The following CENPO variants were observed in gnomAD, a reference collection of about 807,000 sequenced individuals.
The protein encoded by CENPO is centromere protein O.
In CENPO, 30 loss-of-function variants were observed where a neutral mutation model predicts 36.1. That is an observed-to-expected ratio of 0.83 (90% CI 0.62 to 1.13). CENPO has a LOEUF of 1.13. Ranked by LOEUF, CENPO falls within the 50% of genes most tolerant of loss-of-function variation. The probability of loss-of-function intolerance (pLI) is 0.00; values close to 1 mark genes in which losing one functional copy is unlikely to be tolerated. For missense variants in CENPO, 349 were observed against 357.8 expected (o/e 0.98, Z 0.20); for synonymous variants, 171 against 142.3 (o/e 1.20, Z -1.44).
rs1448006433 is a variant in CENPO, at chr2:24,819,809, T to G, written c.*491T>G. 1 of 1,030,024 alleles carries G rather than the reference T, an allele frequency of 9.7e-7. No individual in the cohort carries two copies. The highest frequency in any genetic ancestry group is 1.4e-6 in the Non-Finnish European group (1 of 711,716). 63.8% of individuals were successfully genotyped at this position (1,030,024 alleles called of 1,614,324 possible). A position where few individuals can be genotyped will look rare whatever the true frequency, so the allele number is the denominator to read the frequency against. On this transcript the variant is annotated 3_prime_UTR_variant, in exon 8 of 8. Coordinates refer to ENST00000380834, the MANE Select transcript of CENPO (RefSeq NM_001322101.2). ...CACACATCCACGAACAAATGAAGGC[T>G]GAGGAGGTTTCTAAACCTAAAGTCC...
intron 3 of CENPO, among the ~76,000 whole-genome samples, chr2:24,804,115 G>A (rs922546915): frequency 6.6e-6 from 1 of 151,998 alleles, no homozygotes; most frequent in African/African-American, 2.4e-5. Flanking sequence ...ATCTTTGTTG[G>A]TTGAAAGTCT....
At position 24,819,577 on chromosome 2, in the gene CENPO, C is replaced by A; in HGVS notation, c.*259C>A. On this transcript the variant is annotated 3_prime_UTR_variant, in exon 8 of 8. Transcript: ENST00000380834. ...AGTGGAGCTTCCCCGCCTGTGCTCC[C>A]TCCACAGTCCCGGAAAGCCCAGCGG... 1 of 181,258 alleles carries A rather than the reference C, an allele frequency of 5.5e-6. No homozygotes were observed. The highest frequency in any genetic ancestry group is 1.2e-5 in the Non-Finnish European group (1 of 86,058). 11.2% of individuals were successfully genotyped at this position (181,258 alleles called of 1,614,324 possible).
intron 2 of CENPO, among the ~76,000 whole-genome samples, chr2:24,798,958 A>G (rs1391483835): frequency 1.3e-5 from 2 of 150,956 alleles, no homozygotes; most frequent in African/African-American, 2.4e-5. Context: ...GCTCGATTAA[A>G]TAAAGTCTGG....
At chr2:24,801,365 C>G (rs1045815527) in intron 3 of CENPO, among the ~76,000 whole-genome samples, 33 of 152,254 alleles carry the variant, frequency 2.2e-4, no homozygotes, top group Middle Eastern at 3.4e-3. Flanking sequence ...GCTTTTGTTG[C>G]CATTGCTTTT....
At chr2:24,805,876 CAG>C (rs1173782908) in intron 3 of CENPO, among the ~76,000 whole-genome samples, 1 of 152,224 alleles carries the variant, frequency 6.6e-6, no homozygotes, top group Admixed American at 6.5e-5. Flanking sequence ...TTTAAGTCTG[CAG>C]AGTTTTCTGC....
In CENPO at chr2:24,793,960, A is replaced by C. The variant is rs139881258; in HGVS notation, c.41A>C (p.Lys14Thr). The C allele has an allele frequency of 2.5e-6, 4 of 1,612,842 alleles. No individual in the cohort carries two copies. The highest frequency in any genetic ancestry group is 3.4e-6 in the Non-Finnish European group (4 of 1,179,280). The change falls in exon 2 of 8, where the codon AAA becomes ACA. Residue 14 changes from lysine to threonine, a missense_variant. By Grantham distance (78) the Lys-to-Thr change is moderately conservative. Coordinates refer to ENST00000380834, the MANE Select transcript of CENPO (RefSeq NM_001322101.2). Reference protein sequence around the residue: ...ANPLRPDGESKGGVLAHLERL... With the variant: ...ANPLRPDGESTGGVLAHLERL... Reference sequence around the variant, plus strand: ...CCTTTACGTCCAGATGGCGAGTCCAAAGGAGGTATTCAGAGGGTCGCCGCC... The same window carrying C: ...CCTTTACGTCCAGATGGCGAGTCCACAGGAGGTATTCAGAGGGTCGCCGCC...
chr2:24,816,967 C>T (rs1666963700), intron 6 of CENPO, 150 bp downstream of exon 6: 5 of 633,954 alleles, frequency 7.9e-6, no homozygotes, highest in East Asian at 3.2e-5. Context: ...ATAGAACATT[C>T]TTGTTTCTAC....
At chr2:24,794,637 ATTACTT>A (rs1665801754) in intron 2 of CENPO, among the ~76,000 whole-genome samples, 3 of 152,218 alleles carry the variant, frequency 2.0e-5, no homozygotes, top group Admixed American at 6.5e-5. Context: ...TTACGAAACT[ATTACTT>A]TTACTTAGTC....
chr2:24,817,063 T>C (rs189571168), intron 6 of CENPO, among the ~76,000 whole-genome samples: 1 of 152,336 alleles, frequency 6.6e-6, no homozygotes, highest in African/African-American at 2.4e-5. Flanking sequence ...AGCAGTGTTC[T>C]CGCAGCCTAT....
Position 24,821,647 on chromosome 2 carries a change from C to G in CENPO, c.*2329C>G. On this transcript the variant is annotated 3_prime_UTR_variant, in exon 8 of 8. Transcript: ENST00000380834. ...CTCTCTCGGACTTGTCTTCCTGTGC[C>G]AGGGGACCGTGGAGAAAGTGTCAGG... 3 of 1,613,692 alleles carry G rather than the reference C, an allele frequency of 1.9e-6. No individual in the cohort carries two copies. Among genetic ancestry groups the G allele is most frequent in the Non-Finnish European group, 2.5e-6 (3 of 1,179,826 alleles).
In CENPO at chr2:24,815,606, C is replaced by G; in HGVS notation, c.444C>G (p.Leu148=). Residue 148 remains leucine, a synonymous_variant, in exon 5 of 8, where the codon CTC becomes CTG. Transcript: ENST00000380834. ...YFVDLVIQKP[L]RIHHHSVPVF... ...TGGACCTTGTCATACAGAAACCACT[C>G]CGGATACATCACCATTCAGTCCCAG... 6.2e-7 allele frequency: 1 copy of G among 1,614,106 alleles called. No homozygotes were observed. Among genetic ancestry groups the G allele is most frequent in the Non-Finnish European group, 8.5e-7 (1 of 1,179,964 alleles).
At position 24,820,680 on chromosome 2, in the gene CENPO, T is replaced by C; in HGVS notation, c.*1362T>C. ...GGAAAGCACTGTTCCGGTTTTGTTC[T>C]CATGCCGAGTCTGAGCACGTGCCAG... On this transcript the variant is annotated 3_prime_UTR_variant, in exon 8 of 8. Transcript: ENST00000380834. The C allele has an allele frequency of 6.2e-7, 1 of 1,611,480 alleles. No homozygotes were observed. Among genetic ancestry groups the C allele is most frequent in the African/African-American group, 1.3e-5 (1 of 74,992 alleles).
At chr2:24,799,433 C>A (rs571338583) in intron 2 of CENPO, among the ~76,000 whole-genome samples, 3 of 152,170 alleles carry the variant, frequency 2.0e-5, no homozygotes, top group Non-Finnish European at 4.4e-5. Context: ...CATATCCTCT[C>A]TCGGGCTGTC....
intron 2 of CENPO, among the ~76,000 whole-genome samples, chr2:24,796,060 A>G (rs1290624864): frequency 6.6e-6 from 1 of 152,148 alleles, no homozygotes; most frequent in African/African-American, 2.4e-5. Flanking sequence ...TTCGGTAAAC[A>G]TTTCCGGAGT....
intron 2 of CENPO, among the ~76,000 whole-genome samples, chr2:24,798,888 GT>G (rs1463914826): frequency 6.6e-6 from 1 of 151,446 alleles, no homozygotes; most frequent in Non-Finnish European, 1.5e-5. Context: ...GAAGATTAAG[GT>G]TTTCATATAT....
intron 3 of CENPO, among the ~76,000 whole-genome samples, chr2:24,801,470 T>A (rs1250845039): frequency 6.6e-6 from 1 of 152,220 alleles, no homozygotes; most frequent in African/African-American, 2.4e-5. Flanking sequence ...GGTCTAACTT[T>A]TAAGTCTTTA....
rs767723968 is a variant in CENPO at position 24,814,413 on chromosome 2, C to T, written c.254C>T (p.Thr85Ile). Residue 85 changes from threonine to isoleucine, a missense_variant, in exon 4 of 8, where the codon ACA (threonine) becomes ATA (isoleucine). Transcript: ENST00000380834. ...ATTGCCAATGTAGAACCCAACCAAACAGTGGAGATCAATGAGCAAGAAGCA... is the reference window on the plus strand; with the variant it reads ...ATTGCCAATGTAGAACCCAACCAAATAGTGGAGATCAATGAGCAAGAAGCA... The part of the protein sequence containing the change: ...ACIANVEPNQ[T>I]VEINEQEALE... 8 of 1,603,744 alleles carry T rather than the reference C, an allele frequency of 5.0e-6. No homozygotes were observed. Among genetic ancestry groups the T allele is most frequent in the Non-Finnish European group, 6.0e-6 (7 of 1,170,560 alleles).
Position 24,815,670 on chromosome 2 carries a change from C to T in CENPO, c.508C>T (p.Gln170Ter). The T allele has an allele frequency of 6.2e-7, 1 of 1,613,968 alleles. No individual in the cohort carries two copies. Among genetic ancestry groups the T allele is most frequent in the Non-Finnish European group, 8.5e-7 (1 of 1,179,828 alleles). The change falls in exon 5 of 8, where the codon CAG becomes TAG. Residue 170 changes from glutamine to a stop codon, truncating the protein, a stop_gained. Coordinates refer to ENST00000380834, the MANE Select transcript of CENPO (RefSeq NM_001322101.2). LOFTEE classifies it high-confidence loss of function. ...GGAAGAGATAGCTGCAAAATATTTA[C>T]AGACCAACATCCAGCACTTCCTGTT... ...PLEEIAAKYL[Q>*]TNIQHFLFSL...
chr2:24,813,114 C>T (rs977285823), intron 3 of CENPO, among the ~76,000 whole-genome samples: 10 of 151,844 alleles, frequency 6.6e-5, no homozygotes, highest in African/African-American at 1.2e-4. Flanking sequence ...GGCGTGGTGG[C>T]GCACACCTGT....
Sources: allele counts gnomAD v4.1 joint callset (sites outside exome capture counted in the v4.1 genomes callset), GRCh38; gene constraint gnomAD v4.1.1; transcripts MANE v1.5; gene names NCBI Gene and HGNC (gene_info 2026-07-23, HGNC 2026-07-21).